Variants in RAB3D observed in about 807,000 individuals in gnomAD.
The protein encoded by RAB3D is ras-related protein Rab-3D.
In RAB3D, 17 loss-of-function variants were observed where a neutral mutation model predicts 19.3. The ratio of observed to expected loss-of-function variants is 0.88; its 90% CI spans 0.60 to 1.32. RAB3D has a LOEUF of 1.32. Ranked by LOEUF, RAB3D falls within the 40% of genes most tolerant of loss-of-function variation. The pLI, the probability that RAB3D is intolerant of heterozygous loss-of-function variation, is 0.00. For missense variants in RAB3D, 223 were observed against 299.1 expected, an observed-to-expected ratio of 0.75 and a Z score of 1.88; for synonymous variants, 103 against 119.9, an observed-to-expected ratio of 0.86 and a Z score of 0.92.
At chr19:11,332,808 C>T (rs1452394345) in intron 4 of RAB3D, among the ~76,000 whole-genome samples, 1 of 151,688 alleles carries the variant, frequency 6.6e-6, no homozygotes, top group Non-Finnish European at 1.5e-5. Flanking sequence ...AAAGTGTAGG[C>T]CGGGACTATA....
chr19:11,335,528 T>C lies in RAB3D; in HGVS notation c.391A>G (p.Ile131Val), dbSNP rs1228038908. The change falls in exon 4 of 5, where the codon ATC (isoleucine) becomes GTC (valine). Residue 131 changes from isoleucine to valine, a missense_variant. Transcript: ENST00000222120. ...AGGTCACACTTGTTCCCCACCAGGA[T>C]GACCTGGGCGTTGTCCCAGGAGTAG... ...KTYSWDNAQV[I>V]LVGNKCDLED... 1.9e-6 allele frequency: 3 copies of C among 1,614,036 alleles called. No homozygotes were observed. The highest frequency in any genetic ancestry group is 2.7e-5 in the African/African-American group (2 of 74,916).
chr19:11,328,333 C>CAAAAAAAAA (rs71164187), intron 4 of RAB3D, among the ~76,000 whole-genome samples: 13 of 57,812 alleles, frequency 2.2e-4, no homozygotes, highest in African/African-American at 5.2e-4. Flanking sequence ...GATATTATCT[C>CAAAAAAAAA]AAAAAAAAAA....
At position 11,323,099 on chromosome 19, in the gene RAB3D, ACT is replaced by A. The variant is rs1028176746; in HGVS notation, c.*2297_*2298del. ...TGCACTGCGGCCTGGGCGACGAGCG[ACT>A]CTCTGTCTTAAAAAAAAAAAAAACA... On this transcript the variant is annotated 3_prime_UTR_variant, in exon 5 of 5. Transcript: ENST00000222120. The A allele has an allele frequency of 2.8e-5, 4 of 143,200 alleles. No individual in the cohort carries two copies. Among genetic ancestry groups the A allele is most frequent in the South Asian group, 2.2e-4 (1 of 4,520 alleles). 8.9% of individuals were successfully genotyped at this position (143,200 alleles called of 1,614,324 possible).
At position 11,335,755 on chromosome 19, in the gene RAB3D, G is replaced by C; in HGVS notation, c.257C>G (p.Thr86Ser). Residue 86 changes from threonine (T) to serine (S), a missense_variant, in exon 3 of 5, where the codon ACC (threonine) becomes AGC (serine). By Grantham distance (58) the Thr-to-Ser change is moderately conservative. Transcript: ENST00000222120. ...TCCCCGGTAGTAGGCCGTGGTGATG[G>C]TGCGGTAGCGCTCCTGGCCCGCTGT... The part of the protein sequence containing the change: ...WDTAGQERYR[T>S]ITTAYYRGAM... 6.2e-7 allele frequency: 1 copy of C among 1,614,212 alleles called. No individual in the cohort carries two copies. The highest frequency in any genetic ancestry group is 1.1e-5 in the South Asian group (1 of 91,088).
At position 11,337,407 on chromosome 19, in the gene RAB3D, C is replaced by A; in HGVS notation, c.-8G>T. The A allele has an allele frequency of 6.2e-7, 1 of 1,611,972 alleles. No homozygotes were observed. Among genetic ancestry groups the A allele is most frequent in the Non-Finnish European group, 8.5e-7 (1 of 1,178,114 alleles). On this transcript the variant is annotated 5_prime_UTR_variant, in exon 2 of 5. Transcript: ENST00000222120. ...GTCTCCAGCTGATGCCATCTTGGCA[C>A]AAGCCTCCTGGGACAGGGAGACCTG...
intron 2 of RAB3D, among the ~76,000 whole-genome samples, chr19:11,336,550 TGCTCCACCTCAGCCTCCCAA>T: frequency 6.6e-6 from 1 of 152,060 alleles, no homozygotes; most frequent in Non-Finnish European, 1.5e-5. Flanking sequence ...GCTCAAGTGA[TGCTCCACCTCAGCCTCCCAA>T]AGTGTTGGGA....
chr19:11,329,770 CT>C (rs937378311), intron 4 of RAB3D, among the ~76,000 whole-genome samples: 27 of 152,128 alleles, frequency 1.8e-4, no homozygotes, highest in African/African-American at 5.5e-4. Context: ...CAACCTCCGC[CT>C]CCCGGGTTCA....
intron 4 of RAB3D, among the ~76,000 whole-genome samples, chr19:11,334,873 A>C (rs959004560): frequency 6.6e-6 from 1 of 152,146 alleles, no homozygotes; most frequent in Non-Finnish European, 1.5e-5. Context: ...CAGTGAGCCA[A>C]TACGGCACCA....
At chr19:11,337,106 A>AG (rs1403140958) in intron 2 of RAB3D, 66 bp downstream of exon 2, 51 of 1,356,478 alleles carry the variant, frequency 3.8e-5, no homozygotes, top group Non-Finnish European at 4.8e-5. Flanking sequence ...AAAAAAAAAA[A>AG]GAACCCTCCA....
rs191458814 is a variant in RAB3D at position 11,322,518 on chromosome 19, A to G, written c.*2880T>C. The G allele has an allele frequency of 6.6e-6, 1 of 152,146 alleles. No individual in the cohort carries two copies. Among genetic ancestry groups the G allele is most frequent in the Admixed American group, 6.6e-5 (1 of 15,262 alleles). The allele number at this position is 152,146 out of a possible 1,614,324, so 9.4% of individuals were successfully genotyped here. On this transcript the variant is annotated 3_prime_UTR_variant, in exon 5 of 5. Coordinates refer to ENST00000222120, the MANE Select transcript of RAB3D (RefSeq NM_004283.4). ...CCTGGAGCTGGAGAGGGGTTTTCCC[A>G]CGGCCTTTGGTTTAATGTGTCTGTA...
intron 4 of RAB3D, among the ~76,000 whole-genome samples, chr19:11,331,635 C>T (rs2080835897): frequency 1.3e-5 from 2 of 151,986 alleles, no homozygotes; most frequent in South Asian, 4.1e-4. Flanking sequence ...CACTTGAGCC[C>T]AGGTGTCTGA....
chr19:11,325,986 C>T (rs890365065), intron 4 of RAB3D, among the ~76,000 whole-genome samples: 1 of 151,772 alleles, frequency 6.6e-6, no homozygotes, highest in Non-Finnish European at 1.5e-5. Flanking sequence ...TTTGGGAGGC[C>T]GAGGCGGGAG....
chr19:11,328,930 A>G (rs889610687), intron 4 of RAB3D, among the ~76,000 whole-genome samples: 2 of 145,610 alleles, frequency 1.4e-5, no homozygotes, highest in Non-Finnish European at 3.0e-5. Flanking sequence ...GTCTTTATTC[A>G]TCTTTTTTTT....
chr19:11,328,947 T>C (rs1178574858), intron 4 of RAB3D, among the ~76,000 whole-genome samples: 1 of 151,626 alleles, frequency 6.6e-6, no homozygotes, highest in African/African-American at 2.4e-5. Flanking sequence ...TTTTTTTTTT[T>C]TTAAGACAGA....
chr19:11,325,908 T>C (rs28579547), intron 4 of RAB3D, among the ~76,000 whole-genome samples: 12,654 of 151,628 alleles, frequency 0.083, 1,029 homozygotes, highest in African/African-American at 0.22. Context: ...GCCCTATCTC[T>C]ACAATAAATT....
At position 11,323,277 on chromosome 19, in the gene RAB3D, C is replaced by A. The variant is rs961448674; in HGVS notation, c.*2121G>T. ...TGCATAGGATTTGTCCATTACACCT[C>A]AGTCATCTAATTTGTTGGTATAAAA... On this transcript the variant is annotated 3_prime_UTR_variant, in exon 5 of 5. Transcript: ENST00000222120. 2 of 152,160 alleles carry A rather than the reference C, an allele frequency of 1.3e-5. No individual in the cohort carries two copies. The highest frequency in any genetic ancestry group is 4.8e-5 in the African/African-American group (2 of 41,444). 9.4% of individuals were successfully genotyped at this position (152,160 alleles called of 1,614,324 possible). A position where few individuals can be genotyped will look rare whatever the true frequency, so the allele number is the denominator to read the frequency against.
At chr19:11,338,261 CA>C (rs1424127477) in intron 1 of RAB3D, among the ~76,000 whole-genome samples, 1 of 152,228 alleles carries the variant, frequency 6.6e-6, no homozygotes, top group African/African-American at 2.4e-5. Context: ...AGAGGCCTAG[CA>C]AAGGGTTCAA....
intron 1 of RAB3D, among the ~76,000 whole-genome samples, chr19:11,338,430 G>A (rs562979783): frequency 2.0e-5 from 3 of 152,300 alleles, no homozygotes; most frequent in African/African-American, 7.2e-5. Flanking sequence ...GCTGGATAGA[G>A]CCCCTGATTA....
intron 4 of RAB3D, among the ~76,000 whole-genome samples, chr19:11,330,208 A>G (rs1392271300): frequency 6.6e-6 from 1 of 152,214 alleles, no homozygotes; most frequent in East Asian, 1.9e-4. Flanking sequence ...TAAAAGGGGA[A>G]AGGGACTGGT....
Sources: allele counts gnomAD v4.1 joint callset (sites outside exome capture counted in the v4.1 genomes callset), GRCh38; gene constraint gnomAD v4.1.1; transcripts MANE v1.5; gene names NCBI Gene and HGNC (gene_info 2026-07-23, HGNC 2026-07-21).